Variants in WWOX observed in about 807,000 individuals in gnomAD.
The protein encoded by WWOX is WW domain containing oxidoreductase.
A neutral mutation model predicts 46.2 loss-of-function variants in WWOX; 69 were observed. The ratio of observed to expected loss-of-function variants is 1.49; its 90% CI spans 1.23 to 1.82. The LOEUF is 1.82. WWOX is among the 40% of genes most tolerant of loss of function. The pLI, the probability that WWOX is intolerant of heterozygous loss-of-function variation, is 0.00. For synonymous variants in WWOX, 359 were observed against 202.6 expected (o/e 1.77, Z -6.56); for missense variants, 919 against 542.6 (o/e 1.69, Z -6.89).
chr16:78,407,538 T>C (rs2082576115), intron 6 of WWOX, among the ~76,000 whole-genome samples: 2 of 152,218 alleles, frequency 1.3e-5, no homozygotes, highest in Admixed American at 6.5e-5. Context: ...CTCAACCCCA[T>C]GGTGGTGTCT....
At chr16:79,031,386 G>A (rs1029362786) in intron 8 of WWOX, among the ~76,000 whole-genome samples, 11 of 151,664 alleles carry the variant, frequency 7.3e-5, no homozygotes, top group African/African-American at 2.7e-4. Flanking sequence ...TTTTCTTCAG[G>A]ATTATCTCGA....
At chr16:78,200,195 G>A (rs563166285) in intron 5 of WWOX, among the ~76,000 whole-genome samples, 45 of 152,126 alleles carry the variant, frequency 3.0e-4, no homozygotes, top group Middle Eastern at 3.4e-3. Flanking sequence ...TGCCTCAGCC[G>A]CTGACCCTGA....
chr16:78,164,281 G>A lies in WWOX; in HGVS notation c.508G>A (p.Glu170Lys), dbSNP rs758121265. Residue 170 changes from glutamate to lysine, a missense_variant, in exon 5 of 9, where the codon GAA (glutamate) becomes AAA (lysine). Transcript: ENST00000566780. ...GAGTGAAGCAGTGTCACGCATTTTA[G>A]AAGAATGGGTAAGTGCTTGACTGTT... ...RASEAVSRIL[E>K]EWHKAKVEAM... is the part of the protein sequence containing the mutation. 1.8e-5 allele frequency: 29 copies of A among 1,613,880 alleles called. No individual in the cohort carries two copies. The highest frequency in any genetic ancestry group is 2.7e-5 in the African/African-American group (2 of 74,916).
At chr16:78,974,056 G>A (rs1162797891) in intron 8 of WWOX, among the ~76,000 whole-genome samples, 2 of 152,126 alleles carry the variant, frequency 1.3e-5, no homozygotes, top group Non-Finnish European at 2.9e-5. Context: ...TTTCTAAATG[G>A]TTTCACCTTT....
At chr16:78,556,812 G>A (rs1480804794) in intron 8 of WWOX, among the ~76,000 whole-genome samples, 1 of 151,902 alleles carries the variant, frequency 6.6e-6, no homozygotes, top group African/African-American at 2.4e-5. Flanking sequence ...CCCCGCCCCC[G>A]GGTTCAAGCA....
intron 8 of WWOX, among the ~76,000 whole-genome samples, chr16:78,919,349 T>C (rs571246797): frequency 6.6e-6 from 1 of 152,108 alleles, no homozygotes; most frequent in East Asian, 1.9e-4. Context: ...TGGTAGATTC[T>C]AGAATTTGCA....
chr16:78,954,745 T>C (rs1191832464), intron 8 of WWOX, among the ~76,000 whole-genome samples: 1 of 152,094 alleles, frequency 6.6e-6, no homozygotes, highest in African/African-American at 2.4e-5. Flanking sequence ...TAAAGTGCTA[T>C]GGGGAAGCAA....
chr16:78,560,390 C>A (rs557279934), intron 8 of WWOX, among the ~76,000 whole-genome samples: 1 of 152,168 alleles, frequency 6.6e-6, no homozygotes, highest in South Asian at 2.1e-4. Flanking sequence ...CGCCTGTAAT[C>A]CCAGCACTTT....
At chr16:78,402,176 C>T (rs1038106761) in intron 6 of WWOX, among the ~76,000 whole-genome samples, 3 of 152,196 alleles carry the variant, frequency 2.0e-5, no homozygotes, top group African/African-American at 7.2e-5. Flanking sequence ...CAGCAGTCTG[C>T]TTTCTATCTC....
chr16:78,675,658 A>G (rs1480597743), intron 8 of WWOX, among the ~76,000 whole-genome samples: 1 of 152,168 alleles, frequency 6.6e-6, no homozygotes, highest in Non-Finnish European at 1.5e-5. Flanking sequence ...TGTCTTTAAA[A>G]AAAATAAATT....
intron 5 of WWOX, among the ~76,000 whole-genome samples, chr16:78,368,219 C>T (rs1372590828): frequency 1.3e-5 from 2 of 152,142 alleles, no homozygotes; most frequent in Admixed American, 1.3e-4. Context: ...GTTATGTTCT[C>T]AAAAGCCTTC....
intron 5 of WWOX, among the ~76,000 whole-genome samples, chr16:78,213,250 CAAAA>C (rs3041524): frequency 6.2e-5 from 6 of 97,080 alleles, no homozygotes; most frequent in Admixed American, 1.2e-4. Context: ...GACTGTATCT[CAAAA>C]AAAAAAAAAA....
chr16:78,581,888 A>T (rs896521986), intron 8 of WWOX, among the ~76,000 whole-genome samples: 5 of 152,326 alleles, frequency 3.3e-5, no homozygotes, highest in African/African-American at 1.2e-4. Flanking sequence ...ATTTGAAATT[A>T]AAATGTGTGG....
chr16:78,908,238 G>T (rs1015461245), intron 8 of WWOX, among the ~76,000 whole-genome samples: 3 of 152,040 alleles, frequency 2.0e-5, no homozygotes, highest in African/African-American at 7.2e-5. Flanking sequence ...CAGGGGGATT[G>T]CCATAAAGAA....
intron 8 of WWOX, among the ~76,000 whole-genome samples, chr16:78,617,041 C>G (rs1443455294): frequency 6.6e-6 from 1 of 152,212 alleles, no homozygotes; most frequent in African/African-American, 2.4e-5. Context: ...TGCCATGCAT[C>G]TCTAACATGC....
chr16:79,150,734 T>TG (rs1373267169), intron 8 of WWOX, among the ~76,000 whole-genome samples: 1 of 152,222 alleles, frequency 6.6e-6, no homozygotes, highest in African/African-American at 2.4e-5. Flanking sequence ...CTGGAACTCC[T>TG]GGACTCAAGT....
intron 8 of WWOX, chr16:78,503,797 A>ATC (rs1809786521): frequency 6.6e-6 from 1 of 152,246 alleles, no homozygotes; most frequent in Non-Finnish European, 1.5e-5. Flanking sequence ...AAGGATTCAT[A>ATC]TCTGGAAGAG....
intron 4 of WWOX, among the ~76,000 whole-genome samples, chr16:78,136,878 A>G (rs112895408): frequency 7.2e-4 from 109 of 152,276 alleles, no homozygotes; most frequent in African/African-American, 2.4e-3. Flanking sequence ...AGACAGGGTA[A>G]TGGGTCAGTG....
intron 5 of WWOX, among the ~76,000 whole-genome samples, chr16:78,254,944 C>A (rs112348004): frequency 3.3e-5 from 5 of 152,172 alleles, no homozygotes; most frequent in African/African-American, 1.2e-4. Context: ...ACATCTTGGT[C>A]TGCCTGGTAT....
Sources: allele counts gnomAD v4.1 joint callset (sites outside exome capture counted in the v4.1 genomes callset), GRCh38; gene constraint gnomAD v4.1.1; transcripts MANE v1.5; gene names NCBI Gene and HGNC (gene_info 2026-07-23, HGNC 2026-07-21).